The following KYNU variants were observed in gnomAD, a reference collection of about 807,000 sequenced individuals.
KYNU encodes L-kynurenine hydrolase.
A neutral mutation model predicts 59.2 loss-of-function variants in KYNU; 54 were observed. The observed-to-expected ratio is 0.91, with a 90% CI of 0.73 to 1.14. The LOEUF is 1.14. Among genes scored for constraint, KYNU ranks in the 50% most tolerant of loss-of-function variants. The pLI is 0.00. For missense variants in KYNU, 567 were observed against 554.4 expected, an observed-to-expected ratio of 1.02 and a Z score of -0.23; for synonymous variants, 177 against 192.0, an observed-to-expected ratio of 0.92 and a Z score of 0.65.
intron 4 of KYNU, among the ~76,000 whole-genome samples, chr2:142,948,239 G>C (rs891359760): frequency 1.4e-4 from 21 of 152,124 alleles, no homozygotes; most frequent in Non-Finnish European, 2.6e-4. Context: ...ACCTGTGCTA[G>C]TTTCACACTT....
chr2:142,900,767 T>G (rs770460389), intron 2 of KYNU, among the ~76,000 whole-genome samples: 9 of 151,806 alleles, frequency 5.9e-5, no homozygotes, highest in African/African-American at 9.7e-5. Flanking sequence ...TGAATTGGGG[T>G]GTAGTATGGG....
In KYNU at chr2:143,044,485, T is replaced by TC. The variant is rs568546667; in HGVS notation, c.*2314dup. The TC allele has an allele frequency of 8.9e-4, 136 of 152,266 alleles. 1 individual carries two copies. Among genetic ancestry groups the TC allele is most frequent in the African/African-American group, 3.1e-3 (129 of 41,560 alleles). The allele number at this position is 152,266 out of a possible 1,614,324, so 9.4% of individuals were successfully genotyped here. On this transcript the variant is annotated 3_prime_UTR_variant, in exon 14 of 14. Coordinates refer to ENST00000264170, the MANE Select transcript of KYNU (RefSeq NM_003937.3). ...AGCATTCCTATTTCTCCACATCCTC[T>TC]CAGCATCTGTTGTTTCTTGACTTTT...
chr2:143,002,781 C>T (rs1386233466), intron 10 of KYNU, among the ~76,000 whole-genome samples: 1 of 152,074 alleles, frequency 6.6e-6, no homozygotes, highest in African/African-American at 2.4e-5. Flanking sequence ...AAGAAAATGC[C>T]AAGCAGTACA....
At chr2:142,983,205 T>C (rs1685099616) in intron 8 of KYNU, among the ~76,000 whole-genome samples, 1 of 151,958 alleles carries the variant, frequency 6.6e-6, no homozygotes, top group African/African-American at 2.4e-5. Context: ...CCAGATTGAG[T>C]TCAGGTGAGG....
chr2:142,978,930 A>C (rs115268154), intron 8 of KYNU, among the ~76,000 whole-genome samples: 3,082 of 152,246 alleles, frequency 0.02, 103 homozygotes, highest in African/African-American at 0.069. Context: ...TTGATACCAA[A>C]TCAATCAATA....
rs758620782 is a variant in KYNU, at chr2:142,956,317, C to G, written c.507+43C>G. 5 of 1,245,908 alleles carry G rather than the reference C, an allele frequency of 4.0e-6. No homozygotes were observed. The African/African-American group carries it at 7.4e-5, about 18-fold the overall frequency. The allele number at this position is 1,245,908 out of a possible 1,614,324, so 77.2% of individuals were successfully genotyped here. A position where few individuals can be genotyped will look rare whatever the true frequency, so the allele number is the denominator to read the frequency against. On this transcript the variant is annotated intron_variant, in intron 6 of 13. Coordinates refer to ENST00000264170, the MANE Select transcript of KYNU (RefSeq NM_003937.3). Reference sequence around the variant, plus strand: ...TTGTATTTATGTTCTTTCTACTCTTCCTAGAGCAGTGTATCATTTGCCTGA... The same window carrying G: ...TTGTATTTATGTTCTTTCTACTCTTGCTAGAGCAGTGTATCATTTGCCTGA...
intron 2 of KYNU, among the ~76,000 whole-genome samples, chr2:142,891,789 G>T (rs879738649): frequency 6.6e-6 from 1 of 152,106 alleles, no homozygotes; most frequent in Admixed American, 6.6e-5. Context: ...TTAAATAAAA[G>T]ATTTTATCCA....
chr2:142,970,792 A>G (rs1257773718), intron 8 of KYNU, among the ~76,000 whole-genome samples: 1 of 152,226 alleles, frequency 6.6e-6, no homozygotes, highest in African/African-American at 2.4e-5. Flanking sequence ...ATGCTGAATT[A>G]TCAGTATCAT....
At chr2:143,002,801 A>G (rs984834067) in intron 10 of KYNU, among the ~76,000 whole-genome samples, 8 of 152,234 alleles carry the variant, frequency 5.3e-5, no homozygotes, top group Non-Finnish European at 5.9e-5. Context: ...ATTTTGAATC[A>G]GTTTCCACAG....
intron 2 of KYNU, among the ~76,000 whole-genome samples, chr2:142,887,484 A>G (rs1476252337): frequency 6.6e-6 from 1 of 152,190 alleles, no homozygotes; most frequent in African/African-American, 2.4e-5. Context: ...CAAGATCCCC[A>G]AAAGATATTA....
intron 2 of KYNU, among the ~76,000 whole-genome samples, chr2:142,914,923 T>C (rs1682622929): frequency 6.6e-6 from 1 of 152,196 alleles, no homozygotes; most frequent in South Asian, 2.1e-4. Context: ...TATTTGCATA[T>C]TAAAGCTTGC....
At chr2:142,953,262 T>A (rs1684052739) in intron 4 of KYNU, among the ~76,000 whole-genome samples, 1 of 152,166 alleles carries the variant, frequency 6.6e-6, no homozygotes, top group African/African-American at 2.4e-5. Context: ...ATGTAAAACA[T>A]AGGGAAGGAT....
At chr2:143,020,231 T>A (rs1311750359) in intron 10 of KYNU, among the ~76,000 whole-genome samples, 1 of 152,098 alleles carries the variant, frequency 6.6e-6, no homozygotes, top group Non-Finnish European at 1.5e-5. Context: ...GTTTGAAATC[T>A]TTCTACTTTC....
At chr2:142,933,619 A>C (rs549804810) in intron 4 of KYNU, among the ~76,000 whole-genome samples, 4 of 152,184 alleles carry the variant, frequency 2.6e-5, no homozygotes, top group Admixed American at 6.5e-5. Flanking sequence ...AAGGGGGTGC[A>C]TAATTGTGCT....
intron 3 of KYNU, among the ~76,000 whole-genome samples, chr2:142,922,638 G>A (rs548818446): frequency 6.6e-5 from 10 of 152,284 alleles, no homozygotes; most frequent in Middle Eastern, 3.4e-3. Context: ...TTTGGCTCAC[G>A]GATTCCATCT....
At chr2:142,931,248 T>C (rs945741983) in intron 4 of KYNU, among the ~76,000 whole-genome samples, 3 of 152,176 alleles carry the variant, frequency 2.0e-5, no homozygotes, top group Non-Finnish European at 4.4e-5. Flanking sequence ...TACATTCCCG[T>C]CTATTTGGTT....
intron 2 of KYNU, among the ~76,000 whole-genome samples, chr2:142,898,948 G>A (rs758885774): frequency 8.3e-4 from 126 of 152,144 alleles, no homozygotes; most frequent in Non-Finnish European, 1.6e-3. Context: ...TAGCCCGATC[G>A]GGAGCAGAAA....
At chr2:143,004,760 T>C (rs559665837) in intron 10 of KYNU, among the ~76,000 whole-genome samples, 2 of 152,314 alleles carry the variant, frequency 1.3e-5, no homozygotes, top group Admixed American at 1.3e-4. Flanking sequence ...CTATCTTTAC[T>C]ATCACCAATG....
intron 10 of KYNU, among the ~76,000 whole-genome samples, chr2:143,022,875 A>T (rs1281997032): frequency 2.0e-5 from 3 of 151,726 alleles, no homozygotes. Flanking sequence ...TTACCTTCTT[A>T]TGTTTTCTTG....
Sources: gnomAD v4.1 joint callset for allele counts (sites outside exome capture counted in the v4.1 genomes callset) on GRCh38, gnomAD v4.1.1 for gene constraint, MANE v1.5 for transcripts, NCBI Gene and HGNC (gene_info 2026-07-23, HGNC 2026-07-21) for gene names.